Variants in NOTCH2NLR observed in about 807,000 individuals in gnomAD.
NOTCH2NLR encodes the protein notch 2 N-terminal like R, also known as notch 2 N-terminal like R (pseudogene).
NOTCH2NLR carries 33 observed loss-of-function variants against 35.6 expected under a neutral mutation model. The observed-to-expected ratio is 0.93, with a 90% CI of 0.70 to 1.24. The LOEUF (loss-of-function observed/expected upper bound fraction) is 1.24, where lower values mean the gene tolerates loss of function less well. Ranked by LOEUF, NOTCH2NLR falls within the 50% of genes most tolerant of loss-of-function variation. The pLI is 0.00. For missense variants in NOTCH2NLR, 276 were observed against 362.2 expected, an observed-to-expected ratio of 0.76 and a Z score of 1.93; for synonymous variants, 103 against 141.0, an observed-to-expected ratio of 0.73 and a Z score of 1.91.
intron 2 of NOTCH2NLR, among the ~76,000 whole-genome samples, chr1:120,765,279 GTGGCATT>G (rs1485805427): frequency 1.3e-5 from 1 of 79,340 alleles, no homozygotes; most frequent in East Asian, 2.6e-4. Context: ...TAGTCTTTTT[GTGGCATT>G]TGGTGCCTTA....
chr1:120,756,629 C>T (rs1651083349), intron 1 of NOTCH2NLR, among the ~76,000 whole-genome samples: 1 of 118,128 alleles, frequency 8.5e-6, no homozygotes, highest in Non-Finnish European at 1.6e-5. Flanking sequence ...GAAGGCTTCT[C>T]AGATTACACT....
rs1160274383 is a variant in NOTCH2NLR at position 120,745,145 on chromosome 1, C to CA, written c.74-18475dup. Among the ~76,000 whole-genome samples, 10 of 90,478 alleles carry CA rather than the reference C, an allele frequency of 1.1e-4. 1 individual carries two copies. Among genetic ancestry groups the CA allele is most frequent in the African/African-American group, 4.3e-4 (6 of 13,974 alleles). 59.4% of individuals were successfully genotyped at this position (90,478 alleles called of 152,430 possible). On this transcript the variant is annotated intron_variant, in intron 1 of 4. Coordinates refer to ENST00000624419, the Ensembl canonical transcript of NOTCH2NLR. ...CAAAAAAAAAAAAACAAAAAAAAAACAAAAAAAAGTGGTATTGGGCCTGTC... is the reference window on the plus strand; with the variant it reads ...CAAAAAAAAAAAAACAAAAAAAAAACAAAAAAAAAGTGGTATTGGGCCTGTC...
chr1:120,764,263 A>G lies in NOTCH2NLR; in HGVS notation c.155+554A>G, dbSNP rs1313145329. Among the ~76,000 whole-genome samples, 3 of 110,650 alleles carry G rather than the reference A, an allele frequency of 2.7e-5. 1 individual carries two copies. The highest frequency in any genetic ancestry group is 5.1e-5 in the Non-Finnish European group (3 of 58,680). 72.6% of individuals were successfully genotyped at this position (110,650 alleles called of 152,430 possible). A position where few individuals can be genotyped will look rare whatever the true frequency, so the allele number is the denominator to read the frequency against. ...CTCCGTCTCAAAAAGAAATAAAAAAAATATATAAAAAAATATATATTAGAT... is the reference window on the plus strand; with the variant it reads ...CTCCGTCTCAAAAAGAAATAAAAAAGATATATAAAAAAATATATATTAGAT... On this transcript the variant is annotated intron_variant, in intron 2 of 4. Transcript: ENST00000624419.
At chr1:120,776,076 C>G (rs1381949556) in intron 2 of NOTCH2NLR, among the ~76,000 whole-genome samples, 1 of 114,966 alleles carries the variant, frequency 8.7e-6, no homozygotes, top group South Asian at 2.5e-4. Flanking sequence ...GGTAAAGATT[C>G]CACAGAGCCC....
chr1:120,776,278 A>G (rs1297778362), intron 2 of NOTCH2NLR, among the ~76,000 whole-genome samples: 1 of 111,660 alleles, frequency 9.0e-6, no homozygotes, highest in Non-Finnish European at 1.7e-5. Context: ...TTTCACAGGA[A>G]ATAACATTTA....
chr1:120,790,585 TTTCTTTC>T (rs1651479783), intron 3 of NOTCH2NLR, among the ~76,000 whole-genome samples: 3 of 104,814 alleles, frequency 2.9e-5, no homozygotes, highest in Non-Finnish European at 3.5e-5. Context: ...TCTTTCTTTC[TTTCTTTC>T]TCTTTCTCTC....
At chr1:120,790,532 C>A (rs1320776809) in intron 3 of NOTCH2NLR, among the ~76,000 whole-genome samples, 1 of 99,162 alleles carries the variant, frequency 1.0e-5, no homozygotes, top group Non-Finnish European at 1.8e-5. Context: ...TTCTTTCTCC[C>A]TCCCTTTCTT....
chr1:120,785,283 T>C, intron 3 of NOTCH2NLR, 50 bp downstream of exon 3: 2 of 1,388,312 alleles, frequency 1.4e-6, no homozygotes, highest in Non-Finnish European at 1.9e-6. Context: ...GCAGATACCT[T>C]TATTTAGCAT....
chr1:120,790,743 G>A lies in NOTCH2NLR; in HGVS notation c.416-2418G>A, dbSNP rs1329202014. Among the ~76,000 whole-genome samples, 2 of 110,834 alleles carry A rather than the reference G, an allele frequency of 1.8e-5. 1 individual carries two copies. Among genetic ancestry groups the A allele is most frequent in the South Asian group, 5.3e-4 (2 of 3,796 alleles). 72.7% of individuals were successfully genotyped at this position (110,834 alleles called of 152,430 possible). A position where few individuals can be genotyped will look rare whatever the true frequency, so the allele number is the denominator to read the frequency against. ...GCCTCCCAGGTAGCTGGGATTACAG[G>A]TATGCGCTATGAAGCCCGGCTAATT... On this transcript the variant is annotated intron_variant, in intron 3 of 4. Coordinates refer to ENST00000624419, the Ensembl canonical transcript of NOTCH2NLR.
Position 120,745,894 on chromosome 1 carries a change from T to A in NOTCH2NLR, c.74-17734T>A, listed in dbSNP as rs1650983597. On this transcript the variant is annotated intron_variant, in intron 1 of 4. Transcript: ENST00000624419. ...AGTCAGTGGCAGTACAAAGACAAGA[T>A]GACTGACTTTTTTTTTTTTTTGAGA... is the stretch of plus-strand genomic sequence containing the variant. 2.7e-4 allele frequency among the ~76,000 whole-genome samples: 11 copies of A among 40,876 alleles called. 3 individuals carry two copies. In the South Asian group the frequency reaches 5.6e-3, roughly 21 times the overall value. 26.8% of individuals were successfully genotyped at this position (40,876 alleles called of 152,430 possible). A position where few individuals can be genotyped will look rare whatever the true frequency, so the allele number is the denominator to read the frequency against.
chr1:120,758,211 C>A (rs1347702569), intron 1 of NOTCH2NLR, among the ~76,000 whole-genome samples: 1 of 121,920 alleles, frequency 8.2e-6, no homozygotes, highest in Non-Finnish European at 1.6e-5. Flanking sequence ...AAGGTAAGCT[C>A]TGATCTGGAA....
rs1191421533 is a variant in NOTCH2NLR, at chr1:120,755,981, G to A, written c.74-7647G>A. On this transcript the variant is annotated intron_variant, in intron 1 of 4. Coordinates refer to ENST00000624419, the Ensembl canonical transcript of NOTCH2NLR. ...CCTTTCAATCAAGACAAATTTCAAG[G>A]AGGAAGACAGATGTTTCTCCACTTC... 1.8e-5 allele frequency among the ~76,000 whole-genome samples: 2 copies of A among 109,406 alleles called. 1 individual carries two copies. Among genetic ancestry groups the A allele is most frequent in the Non-Finnish European group, 3.4e-5 (2 of 58,530 alleles). The allele number at this position is 109,406 out of a possible 152,430, so 71.8% of individuals were successfully genotyped here.
Position 120,776,127 on chromosome 1 carries a change from C to A in NOTCH2NLR, c.156-8847C>A. On this transcript the variant is annotated intron_variant, in intron 2 of 4. Transcript: ENST00000624419. ...TGCTTCTGCACTGAATAGTTGAATGCCTTCTATATGCCAGTCATTGTGTTA... is the reference window on the plus strand; with the variant it reads ...TGCTTCTGCACTGAATAGTTGAATGACTTCTATATGCCAGTCATTGTGTTA... Among the ~76,000 whole-genome samples, 2 of 116,666 alleles carry A rather than the reference C, an allele frequency of 1.7e-5. 1 individual carries two copies. The highest frequency in any genetic ancestry group is 3.3e-5 in the Non-Finnish European group (2 of 60,920). 76.5% of individuals were successfully genotyped at this position (116,666 alleles called of 152,430 possible).
intron 1 of NOTCH2NLR, among the ~76,000 whole-genome samples, chr1:120,743,702 C>A (rs1404471623): frequency 9.5e-6 from 1 of 105,534 alleles, no homozygotes; most frequent in East Asian, 2.5e-4. Flanking sequence ...GGCTGTGGGA[C>A]CTTGTTCATT....
intron 1 of NOTCH2NLR, among the ~76,000 whole-genome samples, chr1:120,752,658 C>A: frequency 2.5e-5 from 1 of 40,552 alleles, no homozygotes. Context: ...GCAAGCTCCG[C>A]CTCCCGGGTT....
chr1:120,742,338 T>C (rs1650948007), intron 1 of NOTCH2NLR, among the ~76,000 whole-genome samples: 1 of 32,456 alleles, frequency 3.1e-5, no homozygotes, highest in South Asian at 9.7e-4. Context: ...TGTGTGTGTG[T>C]GTGTGTGTGT....
intron 2 of NOTCH2NLR, among the ~76,000 whole-genome samples, chr1:120,784,658 T>C (rs1651401367): frequency 1.7e-5 from 2 of 118,808 alleles, no homozygotes; most frequent in East Asian, 2.1e-4. Flanking sequence ...CCTTCCTGTT[T>C]AATTTTTTTT....
rs1295770519 is a variant in NOTCH2NLR, at chr1:120,783,648, G to T, written c.156-1326G>T. The stretch of plus-strand genomic sequence containing the variant: ...TATGGGACTGGAACAGTGTATTTTG[G>T]AGTCAGTTACAGGAAGGAAGTTGTT... On this transcript the variant is annotated intron_variant, in intron 2 of 4. Transcript: ENST00000624419. 3.6e-5 allele frequency among the ~76,000 whole-genome samples: 4 copies of T among 109,698 alleles called. 1 individual carries two copies. The highest frequency in any genetic ancestry group is 1.1e-4 in the African/African-American group (2 of 17,714). The allele number at this position is 109,698 out of a possible 152,430, so 72.0% of individuals were successfully genotyped here.
At position 120,768,264 on chromosome 1, in the gene NOTCH2NLR, C is replaced by A. The variant is rs1436036376; in HGVS notation, c.155+4555C>A. ...TGGAAAGTGTGAGGGGCCTACCAAG[C>A]CCTGAGGTGTTCATTAAGCCCCTCT... On this transcript the variant is annotated intron_variant, in intron 2 of 4. Coordinates refer to ENST00000624419, the Ensembl canonical transcript of NOTCH2NLR. Among the ~76,000 whole-genome samples the A allele has an allele frequency of 3.6e-5, 4 of 111,636 alleles. 1 individual carries two copies. The highest frequency in any genetic ancestry group is 1.7e-5 in the Non-Finnish European group (1 of 59,282). 73.2% of individuals were successfully genotyped at this position (111,636 alleles called of 152,430 possible). A position where few individuals can be genotyped will look rare whatever the true frequency, so the allele number is the denominator to read the frequency against.
Sources: gnomAD v4.1 joint callset for allele counts (sites outside exome capture counted in the v4.1 genomes callset) on GRCh38, gnomAD v4.1.1 for gene constraint, MANE v1.5 for transcripts, NCBI Gene and HGNC (gene_info 2026-07-23, HGNC 2026-07-21) for gene names.